Variants in NR1D2 observed in about 807,000 individuals in gnomAD.
The protein encoded by NR1D2 is nuclear receptor subfamily 1 group D member 2.
A neutral mutation model predicts 52.2 loss-of-function variants in NR1D2; 25 were observed. The ratio of observed to expected loss-of-function variants is 0.48; its 90% CI spans 0.35 to 0.67. The LOEUF (loss-of-function observed/expected upper bound fraction) is 0.67. Ranked by LOEUF, NR1D2 falls within the 30% of genes least tolerant of loss-of-function variation. The probability of loss-of-function intolerance (pLI) is 0.01; values close to 1 mark genes in which losing one functional copy is unlikely to be tolerated. For missense variants in NR1D2, 681 were observed against 707.2 expected (o/e 0.96, Z 0.42); for synonymous variants, 259 against 230.1 (o/e 1.13, Z -1.14).
chr3:23,963,641 G>C lies in NR1D2; in HGVS notation c.1146+1036G>C, dbSNP rs138986963. Among the ~76,000 whole-genome samples the C allele has an allele frequency of 6.9e-4, 105 of 152,010 alleles. No individual in the cohort carries two copies. The East Asian group carries it at 0.017, about 25-fold the overall frequency. ...ATTTTTGTATTTTCAGTAGAGACAG[G>C]TTTCACCACGTTGGCCAGGCTGGTC... On this transcript the variant is annotated intron_variant, in intron 5 of 7. Transcript: ENST00000312521.
chr3:23,976,169 C>A (rs1383231212), intron 7 of NR1D2, among the ~76,000 whole-genome samples: 1 of 152,212 alleles, frequency 6.6e-6, no homozygotes, highest in African/African-American at 2.4e-5. Context: ...GGTTTATAAA[C>A]ATATTGTATG....
intron 7 of NR1D2, among the ~76,000 whole-genome samples, chr3:23,973,816 A>G (rs973559534): frequency 1.3e-5 from 2 of 152,178 alleles, no homozygotes; most frequent in African/African-American, 2.4e-5. Flanking sequence ...TCCTTATTCT[A>G]TAAGCTTTTT....
rs1197608847 is a variant in NR1D2 at position 23,954,862 on chromosome 3, A to G, written c.283+59A>G. 5 of 1,532,180 alleles carry G rather than the reference A, an allele frequency of 3.3e-6. No individual in the cohort carries two copies. The Admixed American group carries it at 6.9e-5, about 21-fold the overall frequency. The allele number at this position is 1,532,180 out of a possible 1,614,324, so 94.9% of individuals were successfully genotyped here. On this transcript the variant is annotated intron_variant, in intron 2 of 7. Transcript: ENST00000312521. ...ATTAATTGCAAATGGGGCTTATTTT[A>G]TCAGCTTTTCATTTAGGTGGCCATT...
At chr3:23,963,429 C>T in intron 5 of NR1D2, 2 of 1,188,726 alleles carry the variant, frequency 1.7e-6, no homozygotes, top group South Asian at 1.6e-5. Context: ...TTCTGTGGAC[C>T]TTATGTTAGG....
In NR1D2 at chr3:23,977,982, C is replaced by G. The variant is rs1470174847; in HGVS notation, c.*563C>G. On this transcript the variant is annotated 3_prime_UTR_variant, in exon 8 of 8. Transcript: ENST00000312521. ...ATGGTGTCCCCAATGCCCCACCTCA[C>G]AGAGTTACTAAAAAATGTCTGTAAA... 1 of 152,188 alleles carries G rather than the reference C, an allele frequency of 6.6e-6. No homozygotes were observed. The highest frequency in any genetic ancestry group is 2.4e-5 in the African/African-American group (1 of 41,440). The allele number at this position is 152,188 out of a possible 1,614,324, so 9.4% of individuals were successfully genotyped here. A position where few individuals can be genotyped will look rare whatever the true frequency, so the allele number is the denominator to read the frequency against.
At chr3:23,957,998 A>G (rs1385742656) in intron 3 of NR1D2, among the ~76,000 whole-genome samples, 1 of 152,228 alleles carries the variant, frequency 6.6e-6, no homozygotes, top group Non-Finnish European at 1.5e-5. Context: ...AGTTTAAAAT[A>G]ATTTCAGTAA....
intron 1 of NR1D2, among the ~76,000 whole-genome samples, chr3:23,947,002 T>C (rs2125278671): frequency 6.6e-6 from 1 of 152,346 alleles, no homozygotes; most frequent in South Asian, 2.1e-4. Flanking sequence ...TTTCTAATTT[T>C]ATTTACGTAT....
intron 6 of NR1D2, among the ~76,000 whole-genome samples, 178 bp downstream of exon 6, chr3:23,965,340 A>G (rs1263496130): frequency 1.3e-5 from 2 of 150,248 alleles, no homozygotes; most frequent in South Asian, 4.2e-4. Context: ...CCTGGGTTCA[A>G]GCATTCTCCA....
chr3:23,972,097 TG>T (rs1706605749), intron 7 of NR1D2, among the ~76,000 whole-genome samples: 1 of 152,238 alleles, frequency 6.6e-6, no homozygotes, highest in African/African-American at 2.4e-5. Flanking sequence ...TTTTTCTTCT[TG>T]GAAATGTATA....
chr3:23,948,118 C>CAA lies in NR1D2; in HGVS notation c.16+2537_16+2538dup, dbSNP rs58380767. Among the ~76,000 whole-genome samples, 10 of 135,304 alleles carry CAA rather than the reference C, an allele frequency of 7.4e-5. No homozygotes were observed. The East Asian group carries it at 8.8e-4, about 12-fold the overall frequency. 88.8% of individuals were successfully genotyped at this position (135,304 alleles called of 152,430 possible). ...GGCGACAAGAGCGAGACTCCCATCT[C>CAA]AAAAAAAAAAAAAAGCCTTTTAACT... On this transcript the variant is annotated intron_variant, in intron 1 of 7. Transcript: ENST00000312521.
In NR1D2 at chr3:23,980,391, G is replaced by A. The variant is rs1224691908; in HGVS notation, c.*2972G>A. On this transcript the variant is annotated 3_prime_UTR_variant, in exon 8 of 8. Coordinates refer to ENST00000312521, the MANE Select transcript of NR1D2 (RefSeq NM_005126.5). ...TAGGAAACTGTTACCTATAAACAAA[G>A]ATTGACTGGATTCGATCCAAAAGAT... 1.3e-5 allele frequency: 2 copies of A among 151,758 alleles called. No homozygotes were observed. The highest frequency in any genetic ancestry group is 2.9e-5 in the Non-Finnish European group (2 of 67,924). 9.4% of individuals were successfully genotyped at this position (151,758 alleles called of 1,614,324 possible).
At chr3:23,974,979 C>T (rs540908860) in intron 7 of NR1D2, among the ~76,000 whole-genome samples, 27 of 152,024 alleles carry the variant, frequency 1.8e-4, no homozygotes, top group South Asian at 4.2e-4. Context: ...TCACCATGCC[C>T]GGCTAAATTT....
At chr3:23,968,178 A>T (rs1256608528) in intron 7 of NR1D2, among the ~76,000 whole-genome samples, 155 bp downstream of exon 7, 1 of 152,196 alleles carries the variant, frequency 6.6e-6, no homozygotes, top group Non-Finnish European at 1.5e-5. Flanking sequence ...TGTGTAACTA[A>T]TTTTTTCGTT....
rs770319291 is a variant in NR1D2, at chr3:23,977,339, C to G, written c.1660C>G (p.Leu554Val). 1.2e-6 allele frequency: 2 copies of G among 1,613,674 alleles called. No homozygotes were observed. The highest frequency in any genetic ancestry group is 2.2e-5 in the South Asian group (2 of 91,046). Residue 554 changes from leucine to valine, a missense_variant, in exon 8 of 8, where the codon CTG (leucine) becomes GTG (valine). Leu to Val is a conservative substitution (Grantham distance 32, BLOSUM62 1). Coordinates refer to ENST00000312521, the MANE Select transcript of NR1D2 (RefSeq NM_005126.5). ...AAATGAGGCCTCTATTTTTACAAAA[C>G]TGCTTCTAAAGTTGCCAGATCTTCG... ...HPNEASIFTK[L>V]LLKLPDLRSL...
At chr3:23,961,177 A>C (rs1379716290) in intron 4 of NR1D2, among the ~76,000 whole-genome samples, 4 of 152,040 alleles carry the variant, frequency 2.6e-5, no homozygotes, top group Non-Finnish European at 1.5e-5. Context: ...CTTGAGAGCA[A>C]AGTTACAAAA....
At chr3:23,964,095 T>C (rs9883785) in intron 5 of NR1D2, among the ~76,000 whole-genome samples, 3,864 of 151,670 alleles carry the variant, frequency 0.025, 163 homozygotes, top group African/African-American at 0.088. Context: ...TTTTTTTTTT[T>C]CGAGACGGAG....
chr3:23,959,030 G>A (rs1416104675), intron 3 of NR1D2, among the ~76,000 whole-genome samples: 1 of 152,180 alleles, frequency 6.6e-6, no homozygotes, highest in East Asian at 1.9e-4. Context: ...CACTTCGGGA[G>A]GCCAAGGCTG....
chr3:23,957,390 CTTTTTTTTTTTTT>C (rs201651739), intron 3 of NR1D2, among the ~76,000 whole-genome samples: 3 of 110,560 alleles, frequency 2.7e-5, no homozygotes, highest in East Asian at 5.5e-4. Context: ...CTCTATATAT[CTTTTTTTTTTTTT>C]TTTTTTTTTT....
chr3:23,961,223 T>A (rs1575152954), intron 4 of NR1D2, among the ~76,000 whole-genome samples: 1 of 152,018 alleles, frequency 6.6e-6, no homozygotes, highest in Non-Finnish European at 1.5e-5. Context: ...AGGGAATGAT[T>A]TCACCTACCA....
Sources: gnomAD v4.1 joint callset for allele counts (sites outside exome capture counted in the v4.1 genomes callset) on GRCh38, gnomAD v4.1.1 for gene constraint, MANE v1.5 for transcripts, NCBI Gene and HGNC (gene_info 2026-07-23, HGNC 2026-07-21) for gene names.